The following ERMP1 variants were observed in gnomAD, a reference collection of about 807,000 sequenced individuals.
The protein encoded by ERMP1 is endoplasmic reticulum metallopeptidase 1.
ERMP1 carries 86 observed loss-of-function variants against 92.0 expected under a neutral mutation model. The observed-to-expected ratio is 0.93, with a 90% CI of 0.79 to 1.12. The LOEUF is 1.12. ERMP1 is among the 50% of genes most tolerant of loss of function. The probability of loss-of-function intolerance (pLI) is 0.00; values close to 1 mark genes in which losing one functional copy is unlikely to be tolerated. For synonymous variants in ERMP1, 530 were observed against 412.8 expected (o/e 1.28, Z -3.44); for missense variants, 1,342 against 1,116.3 (o/e 1.20, Z -2.88).
At chr9:5,843,585 A>ACT (rs1322488796) in intron 6 of ERMP1, among the ~76,000 whole-genome samples, 1 of 152,198 alleles carries the variant, frequency 6.6e-6, no homozygotes, top group African/African-American at 2.4e-5. Flanking sequence ...CTAGCCAGTC[A>ACT]AGTCTCTTTC....
chr9:5,801,380 GA>G (rs778028912), intron 10 of ERMP1, 52 bp from the exon 11 acceptor site: 3 of 1,558,482 alleles, frequency 1.9e-6, no homozygotes, highest in Non-Finnish European at 2.6e-6. Flanking sequence ...TCTAGTGGTG[GA>G]AAGGTGTTTT....
intron 10 of ERMP1, among the ~76,000 whole-genome samples, chr9:5,801,681 GAT>G (rs1828678493): frequency 6.6e-6 from 1 of 152,210 alleles, no homozygotes; most frequent in South Asian, 2.1e-4. Context: ...AATAACCAGA[GAT>G]AAGCTTTAAG....
At chr9:5,827,448 C>A (rs745801757) in intron 2 of ERMP1, among the ~76,000 whole-genome samples, 5 of 152,184 alleles carry the variant, frequency 3.3e-5, no homozygotes, top group African/African-American at 7.2e-5. Context: ...CCCAGGACTG[C>A]AGGTTGGACA....
intron 6 of ERMP1, among the ~76,000 whole-genome samples, chr9:5,843,968 G>A (rs2129740365): frequency 6.6e-6 from 1 of 152,216 alleles, no homozygotes. Context: ...AAAATAACGA[G>A]CACTCCTCCA....
At chr9:5,860,961 G>T (rs190881804) in intron 5 of ERMP1, among the ~76,000 whole-genome samples, 2 of 152,202 alleles carry the variant, frequency 1.3e-5, no homozygotes, top group East Asian at 3.9e-4. Flanking sequence ...TAGCAAGAAG[G>T]CCCTCACCAG....
At position 5,786,055 on chromosome 9, in the gene ERMP1, C is replaced by A. The variant is rs534870532; in HGVS notation, c.*1089G>T. ...CACCTACACGTACAGTGGTCTCATT[C>A]CAGTATAAGCCACAACCTCAAGTCT... On this transcript the variant is annotated 3_prime_UTR_variant, in exon 15 of 15. Transcript: ENST00000339450. 6.6e-6 allele frequency: 1 copy of A among 152,192 alleles called. No homozygotes were observed. 9.4% of individuals were successfully genotyped at this position (152,192 alleles called of 1,614,324 possible). A position where few individuals can be genotyped will look rare whatever the true frequency, so the allele number is the denominator to read the frequency against.
At chr9:5,842,898 A>G (rs1440458875) in intron 6 of ERMP1, among the ~76,000 whole-genome samples, 2 of 152,252 alleles carry the variant, frequency 1.3e-5, no homozygotes, top group African/African-American at 4.8e-5. Flanking sequence ...TTCATAGCCT[A>G]AAGTTTTAAA....
chr9:5,866,062 C>G lies in ERMP1; in HGVS notation n.3055+1740G>C, dbSNP rs983658158. On this transcript the variant is annotated intron_variant and non_coding_transcript_variant, in intron 5 of 6. Transcript: ENST00000690753. Reference sequence around the variant, plus strand: ...TTTTTTAATCAAATAATTGTGAACACTTTATCATTATGTGATTGTTGTACG... The same window carrying G: ...TTTTTTAATCAAATAATTGTGAACAGTTTATCATTATGTGATTGTTGTACG... Among the ~76,000 whole-genome samples the G allele has an allele frequency of 1.8e-4, 27 of 151,994 alleles. 1 individual carries two copies. The highest frequency in any genetic ancestry group is 6.3e-4 in the African/African-American group (26 of 41,368).
chr9:5,787,804 T>C (rs899449615), intron 13 of ERMP1, among the ~76,000 whole-genome samples: 1 of 152,176 alleles, frequency 6.6e-6, no homozygotes. Flanking sequence ...AGACTGTAAA[T>C]GAGAAAGCCT....
At chr9:5,832,332 C>G (rs540439206) in intron 1 of ERMP1, 38 of 230,060 alleles carry the variant, frequency 1.7e-4, no homozygotes, top group African/African-American at 8.3e-4. Context: ...ACACAAATTT[C>G]CATCTGGAAA....
At chr9:5,863,327 G>A (rs1830557273) in intron 5 of ERMP1, among the ~76,000 whole-genome samples, 1 of 152,106 alleles carries the variant, frequency 6.6e-6, no homozygotes, top group Non-Finnish European at 1.5e-5. Flanking sequence ...CCAGAACCTG[G>A]GATTTGGCAT....
intron 5 of ERMP1, chr9:5,812,652 A>G (rs1348026322): frequency 5.5e-6 from 3 of 549,852 alleles, no homozygotes; most frequent in East Asian, 3.3e-5. Context: ...ATGAGGTGCT[A>G]AACAGTTCAC....
rs544044075 is a variant in ERMP1 at position 5,851,705 on chromosome 9, C to G, written n.3199+7763G>C. ...TCTGTGGCAGCTGGAGCTACAAAAC[C>G]AAGGCCTGAAAGTTGCAAAACTAGG... is the stretch of plus-strand genomic sequence containing the variant. On this transcript the variant is annotated intron_variant and non_coding_transcript_variant, in intron 6 of 6. Transcript: ENST00000690753. 8.5e-5 allele frequency among the ~76,000 whole-genome samples: 13 copies of G among 152,260 alleles called. No individual in the cohort carries two copies. In the East Asian group the frequency reaches 2.1e-3, roughly 25 times the overall value.
chr9:5,815,902 C>T (rs1314145094), intron 4 of ERMP1, among the ~76,000 whole-genome samples: 4 of 151,812 alleles, frequency 2.6e-5, no homozygotes, highest in African/African-American at 7.3e-5. Flanking sequence ...ACGTACATTA[C>T]GAGATCTTAT....
intron 6 of ERMP1, among the ~76,000 whole-genome samples, chr9:5,841,516 G>A (rs1446667067): frequency 6.6e-6 from 1 of 152,182 alleles, no homozygotes; most frequent in Admixed American, 6.5e-5. Flanking sequence ...AATGTTTTGG[G>A]GCCAGGTGTG....
upstream of ERMP1, among the ~76,000 whole-genome samples, chr9:5,835,361 C>CGCGCGCGT (rs1830080188): frequency 6.8e-6 from 1 of 147,142 alleles, no homozygotes; most frequent in African/African-American, 2.6e-5. Flanking sequence ...CGCGCGCGCG[C>CGCGCGCGT]ATGTGTGTGT....
At chr9:5,843,589 CTCTT>C (rs1365843988) in intron 6 of ERMP1, among the ~76,000 whole-genome samples, 3 of 152,314 alleles carry the variant, frequency 2.0e-5, no homozygotes, top group Admixed American at 1.3e-4. Context: ...CCAGTCAAGT[CTCTT>C]TCTTCTCTCC....
Position 5,818,634 on chromosome 9 carries a change from G to A in ERMP1, c.874+5262C>T, listed in dbSNP as rs60141643. Among the ~76,000 whole-genome samples the A allele has an allele frequency of 8.8e-3, 1,338 of 151,816 alleles. 22 individuals carry two copies. Among genetic ancestry groups the A allele is most frequent in the African/African-American group, 0.03 (1,225 of 41,378 alleles). On this transcript the variant is annotated intron_variant, in intron 4 of 14. Coordinates refer to ENST00000339450, the MANE Select transcript of ERMP1 (RefSeq NM_024896.3). ...GGAGGCTGAAGCAGGCAGATCACTT[G>A]AGCCCAGGAGCTGGAAACCAGTGAG...
chr9:5,850,529 A>T (rs1358005039), intron 6 of ERMP1, among the ~76,000 whole-genome samples: 1 of 152,080 alleles, frequency 6.6e-6, no homozygotes, highest in East Asian at 1.9e-4. Flanking sequence ...ATGTTTAACA[A>T]GTTCCTCCTG....
Sources: allele counts gnomAD v4.1 joint callset (sites outside exome capture counted in the v4.1 genomes callset), GRCh38; gene constraint gnomAD v4.1.1; transcripts MANE v1.5; gene names NCBI Gene and HGNC (gene_info 2026-07-23, HGNC 2026-07-21).